Variants in SMAD1 observed in about 807,000 individuals in gnomAD.
SMAD1 encodes the protein SMAD family member 1.
In SMAD1, 6 loss-of-function variants were observed where a neutral mutation model predicts 41.6. The ratio of observed to expected loss-of-function variants is 0.14; its 90% CI spans 0.08 to 0.28. SMAD1 has a LOEUF of 0.28. Among genes scored for constraint, SMAD1 ranks in the 10% least tolerant of loss-of-function variants. SMAD1 has a pLI of 1.00. For missense variants in SMAD1, 379 were observed against 582.6 expected, an observed-to-expected ratio of 0.65 and a Z score of 3.60; for synonymous variants, 206 against 203.2, an observed-to-expected ratio of 1.01 and a Z score of -0.12.
chr4:145,534,990 T>G (rs1487227498), intron 2 of SMAD1, among the ~76,000 whole-genome samples: 20 of 151,712 alleles, frequency 1.3e-4, no homozygotes. Context: ...CAGGCTAGTA[T>G]CTCTAGTATG....
intron 1 of SMAD1, among the ~76,000 whole-genome samples, chr4:145,489,696 C>T (rs987374327): frequency 6.6e-6 from 1 of 152,114 alleles, no homozygotes; most frequent in African/African-American, 2.4e-5. Flanking sequence ...GGTGCGATAT[C>T]TAAGTCAAAG....
chr4:145,536,796 G>C (rs1202034843), intron 2 of SMAD1, among the ~76,000 whole-genome samples: 1 of 152,166 alleles, frequency 6.6e-6, no homozygotes, highest in African/African-American at 2.4e-5. Context: ...CAAAAGGAAA[G>C]ATAGAGACTG....
intron 1 of SMAD1, among the ~76,000 whole-genome samples, chr4:145,486,971 G>A (rs916034078): frequency 3.3e-5 from 5 of 152,100 alleles, no homozygotes; most frequent in Admixed American, 2.6e-4. Context: ...GGGAAGGGAG[G>A]AAAGAATTTT....
At chr4:145,552,774 C>T (rs1230828504) in intron 5 of SMAD1, among the ~76,000 whole-genome samples, 13 of 152,066 alleles carry the variant, frequency 8.5e-5, no homozygotes, top group African/African-American at 2.7e-4. Context: ...AATGCAAGAG[C>T]GCTTTATAGT....
chr4:145,549,485 G>A (rs1019907782), intron 5 of SMAD1, among the ~76,000 whole-genome samples: 1 of 152,176 alleles, frequency 6.6e-6, no homozygotes, highest in East Asian at 1.9e-4. Context: ...TGCGTGTGCA[G>A]CAGCAGTGGG....
At chr4:145,534,866 G>A (rs563916488) in intron 2 of SMAD1, among the ~76,000 whole-genome samples, 2 of 152,194 alleles carry the variant, frequency 1.3e-5, no homozygotes, top group East Asian at 1.9e-4. Flanking sequence ...GGCTTTCTAG[G>A]ACTCAAAAAT....
At chr4:145,543,462 C>G (rs1006753985) in intron 4 of SMAD1, among the ~76,000 whole-genome samples, 20 of 152,182 alleles carry the variant, frequency 1.3e-4, no homozygotes, top group Admixed American at 1.2e-3. Context: ...GCAACTACAA[C>G]TGGAACAAAC....
chr4:145,537,757 T>C (rs929054522), intron 2 of SMAD1, among the ~76,000 whole-genome samples: 4 of 152,164 alleles, frequency 2.6e-5, no homozygotes, highest in Non-Finnish European at 5.9e-5. Flanking sequence ...CTGTGGCTAT[T>C]GCAAAGGCTA....
intron 5 of SMAD1, among the ~76,000 whole-genome samples, chr4:145,553,200 T>G (rs753633646): frequency 2.0e-5 from 3 of 151,802 alleles, no homozygotes; most frequent in Non-Finnish European, 2.9e-5. Flanking sequence ...CGTGAACAAC[T>G]GTGCCTGGCC....
intron 2 of SMAD1, among the ~76,000 whole-genome samples, chr4:145,528,742 G>A (rs1211101471): frequency 1.3e-5 from 2 of 152,176 alleles, no homozygotes; most frequent in Admixed American, 1.3e-4. Context: ...TGCTCTTTGT[G>A]TAATGACTAC....
At chr4:145,543,902 T>C (rs183862189) in intron 4 of SMAD1, among the ~76,000 whole-genome samples, 4 of 152,360 alleles carry the variant, frequency 2.6e-5, no homozygotes, top group Admixed American at 2.6e-4. Flanking sequence ...GTTTGGTTAC[T>C]AGGTATGTCT....
Position 145,542,620 on chromosome 4 carries a change from C to G in SMAD1, c.697C>G (p.Pro233Ala). The G allele has an allele frequency of 6.2e-7, 1 of 1,613,086 alleles. No individual in the cohort carries two copies. The highest frequency in any genetic ancestry group is 8.5e-7 in the Non-Finnish European group (1 of 1,179,632). Residue 233 changes from proline to alanine, a missense_variant, in exon 4 of 7, where the codon CCC (proline) becomes GCC (alanine). Coordinates refer to ENST00000302085, the MANE Select transcript of SMAD1 (RefSeq NM_005900.3). ...ACCTGCTTACCTGCCTCCTGAAGAC[C>G]CCATGACCCAGGATGGCTCTCAGCC... ...PPPAYLPPED[P>A]MTQDGSQPMD...
intron 5 of SMAD1, among the ~76,000 whole-genome samples, chr4:145,549,478 G>A (rs1007130894): frequency 2.6e-5 from 4 of 152,318 alleles, no homozygotes; most frequent in African/African-American, 7.2e-5. Context: ...TGCACGGTGC[G>A]TGTGCAGCAG....
intron 3 of SMAD1, among the ~76,000 whole-genome samples, chr4:145,541,492 T>TA (rs1264624698): frequency 6.6e-6 from 1 of 152,142 alleles, no homozygotes; most frequent in African/African-American, 2.4e-5. Context: ...GAGTCAGCCT[T>TA]ACAGCTGCAG....
At chr4:145,538,072 A>G (rs74799920) in intron 2 of SMAD1, among the ~76,000 whole-genome samples, 1,597 of 152,290 alleles carry the variant, frequency 0.01, 22 homozygotes, top group African/African-American at 0.036. Flanking sequence ...CCCCCTTTTA[A>G]GGGTAAAAAT....
intron 5 of SMAD1, among the ~76,000 whole-genome samples, 195 bp downstream of exon 5, chr4:145,547,119 A>G (rs1321344912): frequency 6.6e-6 from 1 of 152,200 alleles, no homozygotes; most frequent in African/African-American, 2.4e-5. Flanking sequence ...TGGTCGATCA[A>G]CTCATAATAT....
chr4:145,546,942 C>G lies in SMAD1; in HGVS notation c.997+18C>G. The stretch of plus-strand genomic sequence containing the variant: ...TGGAAAAGGTGAGTTTTTGCTTTAA[C>G]CTCTTTCAGATGTTTATCTGTTGTG... On this transcript the variant is annotated intron_variant, in intron 5 of 6. Transcript: ENST00000302085. The G allele has an allele frequency of 6.3e-7, 1 of 1,579,200 alleles. No homozygotes were observed. The highest frequency in any genetic ancestry group is 8.7e-7 in the Non-Finnish European group (1 of 1,148,362).
intron 2 of SMAD1, among the ~76,000 whole-genome samples, chr4:145,520,394 T>C (rs1194367025): frequency 6.6e-6 from 1 of 152,228 alleles, no homozygotes; most frequent in Non-Finnish European, 1.5e-5. Context: ...AATCAGACTC[T>C]GGAGATGGGG....
rs759378819 is a variant in SMAD1, at chr4:145,546,803, A to G, written c.876A>G (p.Thr292=). ...GTGAAGCGTTCCATGCCTCCTCCAC[A>G]AGTGTGTTGGTGGATGGTTTCACTG... is the stretch of plus-strand genomic sequence containing the variant. ...RVGEAFHASS[T]SVLVDGFTDP... is the part of the protein sequence containing the mutation. The change falls in exon 5 of 7, where the codon ACA becomes ACG. Residue 292 remains threonine (T), a synonymous_variant. Coordinates refer to ENST00000302085, the MANE Select transcript of SMAD1 (RefSeq NM_005900.3). The G allele has an allele frequency of 9.7e-5, 157 of 1,613,632 alleles. No homozygotes were observed. The highest frequency in any genetic ancestry group is 1.3e-4 in the Non-Finnish European group (152 of 1,179,660).
Sources: allele counts gnomAD v4.1 joint callset (sites outside exome capture counted in the v4.1 genomes callset), GRCh38; gene constraint gnomAD v4.1.1; transcripts MANE v1.5; gene names NCBI Gene and HGNC (gene_info 2026-07-23, HGNC 2026-07-21).